Variants in IQGAP2 observed in about 807,000 individuals in gnomAD.
The protein encoded by IQGAP2 is IQ motif containing GTPase activating protein 2, also known as ras GTPase-activating-like protein IQGAP2.
Under a neutral mutation model 201.3 loss-of-function variants are expected in IQGAP2, and 173 were observed. The observed-to-expected ratio is 0.86, with a 90% CI of 0.76 to 0.98. The LOEUF is 0.98. Among genes scored for constraint, IQGAP2 ranks in the 50% least tolerant of loss-of-function variants. The probability of loss-of-function intolerance (pLI) is 0.00; values close to 1 mark genes in which losing one functional copy is unlikely to be tolerated. For missense variants in IQGAP2, 1,687 were observed against 1,864.8 expected (o/e 0.90, Z 1.76); for synonymous variants, 675 against 673.9 (o/e 1.00, Z -0.03).
intron 1 of IQGAP2, among the ~76,000 whole-genome samples, chr5:76,414,273 G>A (rs1472503558): frequency 6.6e-6 from 1 of 152,106 alleles, no homozygotes; most frequent in Non-Finnish European, 1.5e-5. Context: ...AGGGTGGGAT[G>A]AGGAGCCTGG....
At chr5:76,406,321 T>A (rs1338394358) in intron 1 of IQGAP2, among the ~76,000 whole-genome samples, 1 of 152,212 alleles carries the variant, frequency 6.6e-6, no homozygotes, top group Non-Finnish European at 1.5e-5. Context: ...TTAAATAGAC[T>A]ATTTTCTATT....
chr5:76,465,304 A>T (rs925577561), intron 2 of IQGAP2, among the ~76,000 whole-genome samples: 6 of 152,354 alleles, frequency 3.9e-5, no homozygotes, highest in African/African-American at 1.4e-4. Flanking sequence ...AAAGGACAGA[A>T]GCCATATGAT....
At chr5:76,614,888 T>G (rs1027417567) in intron 13 of IQGAP2, among the ~76,000 whole-genome samples, 8 of 152,222 alleles carry the variant, frequency 5.3e-5, no homozygotes, top group African/African-American at 1.7e-4. Flanking sequence ...AAAGTAAAAC[T>G]GTGCCAAAGG....
Position 76,403,640 on chromosome 5 carries a change from T to C in IQGAP2, c.46+49T>C. On this transcript the variant is annotated intron_variant, in intron 1 of 35. Coordinates refer to ENST00000274364, the MANE Select transcript of IQGAP2 (RefSeq NM_006633.5). The surrounding 1 kb of genome is among the most constrained non-coding windows in gnomAD (Gnocchi z 4.8). ...TTCCTGCTGGCCTTGGGGAGCTCCCTCCCCGAGGACGGCGTTGGAGAAGCC... is the reference window on the plus strand; with the variant it reads ...TTCCTGCTGGCCTTGGGGAGCTCCCCCCCCGAGGACGGCGTTGGAGAAGCC... 1 of 1,416,998 alleles carries C rather than the reference T, an allele frequency of 7.1e-7. No individual in the cohort carries two copies. Among genetic ancestry groups the C allele is most frequent in the Non-Finnish European group, 9.3e-7 (1 of 1,074,434 alleles). The allele number at this position is 1,416,998 out of a possible 1,614,324, so 87.8% of individuals were successfully genotyped here.
chr5:76,476,014 A>C (rs1454316499), intron 2 of IQGAP2, among the ~76,000 whole-genome samples: 3 of 152,156 alleles, frequency 2.0e-5, no homozygotes, highest in Non-Finnish European at 4.4e-5. Context: ...GGAACCACCT[A>C]CAATGAGAAT....
At chr5:76,451,898 G>A (rs752838536) in intron 1 of IQGAP2, among the ~76,000 whole-genome samples, 10 of 152,184 alleles carry the variant, frequency 6.6e-5, no homozygotes, top group East Asian at 5.8e-4. Context: ...TTAAATGAAC[G>A]TGGTGATGTG....
intron 27 of IQGAP2, 66 bp downstream of exon 27, chr5:76,674,775 T>C: frequency 1.7e-6 from 2 of 1,184,174 alleles, no homozygotes; most frequent in Non-Finnish European, 2.5e-6. Context: ...ATGTGCTCTG[T>C]GCCCAGAGCT....
At chr5:76,465,517 G>A (rs1209996734) in intron 2 of IQGAP2, among the ~76,000 whole-genome samples, 1 of 152,192 alleles carries the variant, frequency 6.6e-6, no homozygotes, top group Non-Finnish European at 1.5e-5. Flanking sequence ...TTGTACTGGA[G>A]ATTTTAGCCA....
chr5:76,450,968 T>A (rs1356122831), intron 1 of IQGAP2, among the ~76,000 whole-genome samples: 1 of 151,376 alleles, frequency 6.6e-6, no homozygotes, highest in Non-Finnish European at 1.5e-5. Flanking sequence ...TAACAGCATA[T>A]GCTTGCATTA....
chr5:76,643,661 T>C (rs892871071), intron 17 of IQGAP2, among the ~76,000 whole-genome samples: 7 of 152,132 alleles, frequency 4.6e-5, no homozygotes, highest in Non-Finnish European at 8.8e-5. Context: ...TTTCATGAAC[T>C]GAAGAAAGCT....
Position 76,403,457 on chromosome 5 carries a change from C to G in IQGAP2, c.-89C>G, listed in dbSNP as rs1348868996. ...AAATCGGCGAGAGGCGGGATCCGAGCGCGCCGGCGGGGCGCAGAGCCCGCG... is the reference window on the plus strand; with the variant it reads ...AAATCGGCGAGAGGCGGGATCCGAGGGCGCCGGCGGGGCGCAGAGCCCGCG... On this transcript the variant is annotated 5_prime_UTR_variant, in exon 1 of 36. Transcript: ENST00000274364. The surrounding 1 kb of genome is among the most constrained non-coding windows in gnomAD (Gnocchi z 4.8). 3.0e-6 allele frequency: 3 copies of G among 1,012,296 alleles called. No homozygotes were observed. The highest frequency in any genetic ancestry group is 3.9e-6 in the Non-Finnish European group (3 of 765,664). The allele number at this position is 1,012,296 out of a possible 1,614,324, so 62.7% of individuals were successfully genotyped here.
intron 2 of IQGAP2, among the ~76,000 whole-genome samples, chr5:76,521,472 G>GA (rs1283798328): frequency 7.9e-5 from 12 of 152,180 alleles, no homozygotes. Context: ...TTAAACAATA[G>GA]AAAACTGAGT....
At chr5:76,652,633 A>T (rs1752607076) in intron 17 of IQGAP2, 117 bp from the exon 18 acceptor site, 2 of 762,418 alleles carry the variant, frequency 2.6e-6, no homozygotes, top group African/African-American at 3.5e-5. Context: ...ATCTGAAGGG[A>T]GGGTGCCTGA....
intron 3 of IQGAP2, 101 bp downstream of exon 3, chr5:76,562,653 G>A (rs1580463788): frequency 5.6e-6 from 6 of 1,062,882 alleles, no homozygotes; most frequent in African/African-American, 4.8e-5. Context: ...GTAAGGATTT[G>A]GGGGGCTGGG....
At chr5:76,565,628 G>A (rs989915075) in intron 3 of IQGAP2, among the ~76,000 whole-genome samples, 1 of 152,206 alleles carries the variant, frequency 6.6e-6, no homozygotes, top group Admixed American at 6.5e-5. Context: ...GGCACCGTAT[G>A]TGCCTCTATG....
At chr5:76,517,852 T>C (rs950841212) in intron 2 of IQGAP2, among the ~76,000 whole-genome samples, 1 of 152,150 alleles carries the variant, frequency 6.6e-6, no homozygotes, top group Admixed American at 6.5e-5. Flanking sequence ...CTCACTAAGA[T>C]GGTAGGGCTG....
chr5:76,483,492 AT>A (rs553012719), intron 2 of IQGAP2, among the ~76,000 whole-genome samples: 60 of 152,342 alleles, frequency 3.9e-4, no homozygotes, highest in Non-Finnish European at 2.9e-5. Flanking sequence ...AGAAAGAAAA[AT>A]AAGGTGGTCA....
chr5:76,422,394 G>C (rs1162263281), intron 1 of IQGAP2, among the ~76,000 whole-genome samples: 3 of 152,210 alleles, frequency 2.0e-5, no homozygotes, highest in Non-Finnish European at 4.4e-5. Flanking sequence ...TCAGTTGGCG[G>C]CTGTTTTTGA....
At chr5:76,625,445 T>A (rs1750135708) in intron 13 of IQGAP2, among the ~76,000 whole-genome samples, 1 of 152,184 alleles carries the variant, frequency 6.6e-6, no homozygotes, top group African/African-American at 2.4e-5. Flanking sequence ...TGCTTCCCTG[T>A]CTCTTTTTTT....
Sources: gnomAD v4.1 joint callset for allele counts (sites outside exome capture counted in the v4.1 genomes callset) on GRCh38, gnomAD v4.1.1 for gene constraint, Gnocchi (gnomAD v3.1) non-coding constraint, MANE v1.5 for transcripts, NCBI Gene and HGNC (gene_info 2026-07-23, HGNC 2026-07-21) for gene names.